Variants in TXNDC11 observed in about 807,000 individuals in gnomAD.
TXNDC11 encodes the protein thioredoxin domain containing 11, also known as thioredoxin domain-containing protein 11.
In TXNDC11, 68 loss-of-function variants were observed where a neutral mutation model predicts 78.0. The observed-to-expected ratio is 0.87, with a 90% CI of 0.72 to 1.07. The LOEUF is 1.07. Among genes scored for constraint, TXNDC11 ranks in the 50% least tolerant of loss-of-function variants. The pLI is 0.00. For synonymous variants in TXNDC11, 571 were observed against 495.2 expected, an observed-to-expected ratio of 1.15 and a Z score of -2.03; for missense variants, 1,389 against 1,221.8, an observed-to-expected ratio of 1.14 and a Z score of -2.04.
chr16:11,682,269 T>C (rs552784240), intron 11 of TXNDC11, among the ~76,000 whole-genome samples: 1 of 152,370 alleles, frequency 6.6e-6, no homozygotes, highest in African/African-American at 2.4e-5. Context: ...CTACCATTTA[T>C]TTTTAGGAAA....
At chr16:11,701,620 C>T (rs1161385956) in intron 5 of TXNDC11, among the ~76,000 whole-genome samples, 2 of 151,914 alleles carry the variant, frequency 1.3e-5, no homozygotes, top group East Asian at 1.9e-4. Flanking sequence ...CATGGACAAA[C>T]CACAGAAAAG....
At chr16:11,709,183 C>T (rs1386523028) in intron 5 of TXNDC11, among the ~76,000 whole-genome samples, 4 of 151,682 alleles carry the variant, frequency 2.6e-5, no homozygotes, top group Non-Finnish European at 5.9e-5. Context: ...AAAAATCTGG[C>T]ATTTGGACAT....
intron 5 of TXNDC11, chr16:11,703,750 G>A (rs1371236780): frequency 1.4e-6 from 1 of 701,296 alleles, no homozygotes; most frequent in Non-Finnish European, 2.6e-6. Context: ...TGATTCCAGA[G>A]CTGGGGTGAA....
At chr16:11,729,254 G>A (rs529821271) in intron 4 of TXNDC11, among the ~76,000 whole-genome samples, 1 of 152,254 alleles carries the variant, frequency 6.6e-6, no homozygotes, top group South Asian at 2.1e-4. Context: ...GTGCCAAAGG[G>A]ATCAGGCCCC....
intron 3 of TXNDC11, 99 bp downstream of exon 3, chr16:11,733,883 T>C (rs1277732192): frequency 6.3e-6 from 5 of 789,476 alleles, no homozygotes; most frequent in South Asian, 1.6e-5. Flanking sequence ...GAATTTTCTA[T>C]AGTGAATATC....
rs755916353 is a variant in TXNDC11, at chr16:11,679,577, C to T, written c.2495G>A (p.Arg832His). 33 of 1,613,864 alleles carry T rather than the reference C, an allele frequency of 2.0e-5. No individual in the cohort carries two copies. The highest frequency in any genetic ancestry group is 4.0e-5 in the African/African-American group (3 of 74,920). The change falls in exon 12 of 12, where the codon CGC becomes CAC. Residue 832 changes from arginine to histidine, a missense_variant. Physicochemically the swap from Arg to His is conservative, Grantham distance 29. Coordinates refer to ENST00000283033, the MANE Select transcript of TXNDC11 (RefSeq NM_015914.7). The surrounding 1 kb of genome is among the most constrained non-coding windows in gnomAD (Gnocchi z 4.6). Reference sequence around the variant, plus strand: ...CTGCCGCAGCCGGTGCTCATCTCTGCGGGCACTGGAGAGCTGGGACTCCAC... The same window carrying T: ...CTGCCGCAGCCGGTGCTCATCTCTGTGGGCACTGGAGAGCTGGGACTCCAC... ...VQVESQLSSA[R>H]RDEHRLRQQQ...
At chr16:11,709,423 A>ATAT (rs2051275099) in intron 5 of TXNDC11, among the ~76,000 whole-genome samples, 1 of 55,592 alleles carries the variant, frequency 1.8e-5, no homozygotes, top group African/African-American at 7.8e-5. Context: ...AATTTTTTGT[A>ATAT]TTTTTTTTTT....
At chr16:11,741,193 T>C (rs903997411) in intron 1 of TXNDC11, among the ~76,000 whole-genome samples, 14 of 152,194 alleles carry the variant, frequency 9.2e-5, no homozygotes, top group African/African-American at 3.4e-4. Flanking sequence ...CCCCGATCTT[T>C]TGACACCTCT....
At chr16:11,704,400 T>C (rs1026951927) in intron 5 of TXNDC11, among the ~76,000 whole-genome samples, 1 of 152,230 alleles carries the variant, frequency 6.6e-6, no homozygotes, top group Non-Finnish European at 1.5e-5. Context: ...CTAAAATTCA[T>C]GAGCAGAAGT....
intron 5 of TXNDC11, among the ~76,000 whole-genome samples, chr16:11,717,815 T>C (rs2051583948): frequency 6.6e-6 from 1 of 150,500 alleles, no homozygotes; most frequent in African/African-American, 2.5e-5. Context: ...AGAGAGACTC[T>C]GTCTCAAAAA....
In TXNDC11 at chr16:11,683,841, TC is replaced by T. The variant is rs2050497047; in HGVS notation, c.2234+323del. Among the ~76,000 whole-genome samples, 3 of 148,370 alleles carry T rather than the reference TC, an allele frequency of 2.0e-5. No individual in the cohort carries two copies. In the East Asian group the frequency reaches 6.2e-4, roughly 31 times the overall value. On this transcript the variant is annotated intron_variant, in intron 11 of 11. Transcript: ENST00000283033. The stretch of plus-strand genomic sequence containing the variant: ...ATCTTGGCTCACTGCAACCTCCGCA[TC>T]CCAGGTTCAAGAGATTCTCGTGCCT...
At position 11,733,959 on chromosome 16, in the gene TXNDC11, G is replaced by C. The variant is rs748477640; in HGVS notation, c.569+23C>G. 3.3e-6 allele frequency: 5 copies of C among 1,520,348 alleles called. No homozygotes were observed. In the African/African-American group the frequency reaches 5.5e-5, roughly 17 times the overall value. The allele number at this position is 1,520,348 out of a possible 1,614,324, so 94.2% of individuals were successfully genotyped here. On this transcript the variant is annotated intron_variant, in intron 3 of 11. Coordinates refer to ENST00000283033, the MANE Select transcript of TXNDC11 (RefSeq NM_015914.7). ...ACTGGCAAACTAAACTGGAATGAGA[G>C]ACGCTATTTAAAAAGTTCTTACCTC...
intron 7 of TXNDC11, chr16:11,692,388 A>T (rs1567301897): frequency 3.3e-6 from 1 of 302,098 alleles, no homozygotes; most frequent in Non-Finnish European, 6.1e-6. Context: ...CTGTCTCAGT[A>T]TCACAGTGCT....
At chr16:11,721,233 G>T in intron 5 of TXNDC11, 1 of 184,026 alleles carries the variant, frequency 5.4e-6, no homozygotes. Context: ...GACGTCAGGA[G>T]TTCGAGACCA....
chr16:11,741,184 C>A (rs945470681), intron 1 of TXNDC11, among the ~76,000 whole-genome samples: 3 of 152,182 alleles, frequency 2.0e-5, no homozygotes, highest in African/African-American at 7.2e-5. Context: ...CACTAAAATC[C>A]CCGATCTTTT....
At chr16:11,690,079 C>T (rs1404697808) in intron 8 of TXNDC11, 1 of 152,230 alleles carries the variant, frequency 6.6e-6, no homozygotes, top group African/African-American at 2.4e-5. Context: ...TGTAGAAGCT[C>T]TGAGTCTACT....
chr16:11,713,934 CA>C (rs1223871112), intron 5 of TXNDC11, among the ~76,000 whole-genome samples: 3 of 152,098 alleles, frequency 2.0e-5, no homozygotes, highest in Non-Finnish European at 4.4e-5. Flanking sequence ...GAGTTAGGTC[CA>C]AAAACCTGAG....
At chr16:11,710,155 A>G (rs1286747016) in intron 5 of TXNDC11, among the ~76,000 whole-genome samples, 1 of 152,008 alleles carries the variant, frequency 6.6e-6, no homozygotes, top group Admixed American at 6.6e-5. Context: ...AAGAAAAAAT[A>G]AAATGATCAA....
chr16:11,717,287 G>A (rs1015991299), intron 5 of TXNDC11, among the ~76,000 whole-genome samples: 11 of 151,632 alleles, frequency 7.3e-5, no homozygotes, highest in Middle Eastern at 3.4e-3. Context: ...TTAGGCGGGC[G>A]TGGTAGTGGG....
Sources: allele counts gnomAD v4.1 joint callset (sites outside exome capture counted in the v4.1 genomes callset), GRCh38; gene constraint gnomAD v4.1.1; non-coding constraint Gnocchi (gnomAD v3.1); transcripts MANE v1.5; gene names NCBI Gene and HGNC (gene_info 2026-07-23, HGNC 2026-07-21).